Variants in DTHD1 observed in about 807,000 individuals in gnomAD.
DTHD1 encodes the protein death domain containing 1, also known as death domain-containing protein 1.
A neutral mutation model predicts 74.8 loss-of-function variants in DTHD1; 59 were observed. The observed-to-expected ratio is 0.79, with a 90% confidence interval of 0.64 to 0.98. DTHD1 has a LOEUF of 0.98. Among genes scored for constraint, DTHD1 ranks in the 50% least tolerant of loss-of-function variants. The pLI is 0.00. For missense variants in DTHD1, 1,051 were observed against 1,065.4 expected, an observed-to-expected ratio of 0.99 and a Z score of 0.19; for synonymous variants, 365 against 371.1, an observed-to-expected ratio of 0.98 and a Z score of 0.19.
intron 6 of DTHD1, 118 bp from the exon 7 acceptor site, chr4:36,308,086 A>C (rs1268212743): frequency 9.9e-7 from 1 of 1,005,264 alleles, no homozygotes; most frequent in East Asian, 2.6e-5. Flanking sequence ...GTCTTTGAGA[A>C]TACTTGATTT....
Position 36,308,266 on chromosome 4 carries a change from C to T in DTHD1, c.1868C>T (p.Ser623Phe). The T allele has an allele frequency of 6.4e-7, 1 of 1,552,202 alleles. No homozygotes were observed. Among genetic ancestry groups the T allele is most frequent in the Non-Finnish European group, 8.7e-7 (1 of 1,147,102 alleles). Residue 623 changes from serine (S) to phenylalanine (F), a missense_variant, in exon 7 of 10, where the codon TCT becomes TTT. By Grantham distance (155) the Ser-to-Phe change is radical. Transcript: ENST00000639862. The stretch of plus-strand genomic sequence containing the variant: ...AGTCATTTGGTTACTTTTGTGAAAT[C>T]TTTAGAGGAAGCCATGCTCAGCACC... Reference protein sequence around the residue: ...DNSHLVTFVKSLEEAMLSTTA... With the variant: ...DNSHLVTFVKFLEEAMLSTTA...
At chr4:36,303,697 C>T in intron 5 of DTHD1, among the ~76,000 whole-genome samples, 1 of 152,200 alleles carries the variant, frequency 6.6e-6, no homozygotes, top group South Asian at 2.1e-4. Flanking sequence ...GAATGGATCA[C>T]TGGAACCGGA....
chr4:36,300,126 G>C (rs1215149769), intron 5 of DTHD1, among the ~76,000 whole-genome samples: 2 of 152,062 alleles, frequency 1.3e-5, no homozygotes, highest in Non-Finnish European at 1.5e-5. Flanking sequence ...AAGTCTTTGG[G>C]CGTGTTTATA....
chr4:36,339,000 T>C (rs984944583), intron 8 of DTHD1, 112 bp from the exon 9 acceptor site: 3 of 827,202 alleles, frequency 3.6e-6, no homozygotes, highest in Non-Finnish European at 3.9e-6. Context: ...TTGCAAGGTA[T>C]GCAATTCAGT....
Position 36,290,464 on chromosome 4 carries a change from A to G in DTHD1, c.979A>G (p.Ile327Val), listed in dbSNP as rs1253337546. The G allele has an allele frequency of 1.3e-6, 2 of 1,551,796 alleles. No individual in the cohort carries two copies. The highest frequency in any genetic ancestry group is 2.7e-5 in the African/African-American group (2 of 73,064). Residue 327 changes from isoleucine (I) to valine (V), a missense_variant, in exon 3 of 10, where the codon ATA (isoleucine) becomes GTA (valine). By Grantham distance (29) the Ile-to-Val change is conservative. Coordinates refer to ENST00000639862, the MANE Select transcript of DTHD1 (RefSeq NM_001170700.3). ...SYVLQQLECR[I>V]INHMSSLIVG... ...TGTTCTACAACAACTAGAATGCCGGATAATAAATCACATGAGTTCTTTAAT... is the reference window on the plus strand; with the variant it reads ...TGTTCTACAACAACTAGAATGCCGGGTAATAAATCACATGAGTTCTTTAAT...
At chr4:36,342,489 G>T (rs895505045) in intron 9 of DTHD1, among the ~76,000 whole-genome samples, 1 of 151,930 alleles carries the variant, frequency 6.6e-6, no homozygotes, top group Non-Finnish European at 1.5e-5. Flanking sequence ...AGATAGTAGG[G>T]GACAGAGGTT....
At chr4:36,296,152 C>A (rs1020928719) in intron 5 of DTHD1, among the ~76,000 whole-genome samples, 1 of 152,070 alleles carries the variant, frequency 6.6e-6, no homozygotes, top group African/African-American at 2.4e-5. Context: ...TTCTTTGCAG[C>A]ACTAATATCA....
chr4:36,306,728 C>A (rs1450149941), intron 6 of DTHD1, among the ~76,000 whole-genome samples: 1 of 152,198 alleles, frequency 6.6e-6, no homozygotes. Context: ...TTTGCTTTCT[C>A]ATTTCCATGT....
Position 36,282,011 on chromosome 4 carries a change from C to A in DTHD1, c.253C>A (p.Gln85Lys). 1.3e-6 allele frequency: 2 copies of A among 1,524,152 alleles called. No homozygotes were observed. Among genetic ancestry groups the A allele is most frequent in the South Asian group, 1.3e-5 (1 of 79,842 alleles). The allele number at this position is 1,524,152 out of a possible 1,614,324, so 94.4% of individuals were successfully genotyped here. ...GCATGTGCTGCTTGACAAAGAGAAT[C>A]AATGTGTCTCGAGAAAAGGCAAGTA... ...QLHVLLDKEN[Q>K]CVSRKEIITF... Residue 85 changes from glutamine to lysine, a missense_variant, in exon 1 of 10, where the codon CAA becomes AAA. Transcript: ENST00000639862.
chr4:36,314,380 A>G (rs1041001947), intron 7 of DTHD1, among the ~76,000 whole-genome samples: 1 of 152,068 alleles, frequency 6.6e-6, no homozygotes, highest in African/African-American at 2.4e-5. Context: ...TAGACATGAA[A>G]GCTAAATCTT....
In DTHD1 at chr4:36,284,447, C is replaced by G. The variant is rs765242624; in HGVS notation, c.743C>G (p.Thr248Arg). ...ETHGIIQTTE[T>R]EIQETSESPR... ...CATGGCATAATTCAGACAACAGAGA[C>G]AGAAATTCAAGAGACTTCAGAAAGC... is the stretch of plus-strand genomic sequence containing the variant. Residue 248 changes from threonine (T) to arginine (R), a missense_variant, in exon 2 of 10, where the codon ACA becomes AGA. Transcript: ENST00000639862. The G allele has an allele frequency of 2.0e-6, 3 of 1,536,942 alleles. No homozygotes were observed. The highest frequency in any genetic ancestry group is 2.6e-6 in the Non-Finnish European group (3 of 1,146,832).
rs564475767 is a variant in DTHD1 at position 36,284,205 on chromosome 4, G to A, written c.501G>A (p.Glu167=). ...ETATVSPTNG[E]ESHYTNQVQL... ...CTACTGTTTCTCCCACAAATGGAGA[G>A]GAAAGTCATTACACAAACCAGGTCC... is the stretch of plus-strand genomic sequence containing the variant. Residue 167 remains glutamate (E), a synonymous_variant, in exon 2 of 10, where the codon GAG becomes GAA. Transcript: ENST00000639862. The A allele has an allele frequency of 3.3e-5, 51 of 1,537,136 alleles. No individual in the cohort carries two copies. The African/African-American group carries it at 3.6e-4, about 11-fold the overall frequency.
Position 36,295,021 on chromosome 4 carries a change from C to T in DTHD1, c.1625C>T (p.Thr542Ile), listed in dbSNP as rs758507951. 7.1e-6 allele frequency: 11 copies of T among 1,542,610 alleles called. 1 individual carries two copies. In the South Asian group the frequency reaches 1.3e-4, roughly 19 times the overall value. The change falls in exon 5 of 10, where the codon ACA becomes ATA. Residue 542 changes from threonine (T) to isoleucine (I), a missense_variant. By Grantham distance (89) the Thr-to-Ile change is moderately conservative. Coordinates refer to ENST00000639862, the MANE Select transcript of DTHD1 (RefSeq NM_001170700.3). ...RRASATINRI[T>I]PSYFNRTKIA... ...GCAAGTGCCACAATAAATAGGATTA[C>T]ACCTTCGTATTTCAACCGGTGAGTA...
At chr4:36,321,066 T>C (rs1758010810) in intron 8 of DTHD1, among the ~76,000 whole-genome samples, 1 of 152,216 alleles carries the variant, frequency 6.6e-6, no homozygotes, top group African/African-American at 2.4e-5. Context: ...TCTGCGTCTC[T>C]TATTCTTCAG....
Position 36,284,174 on chromosome 4 carries a change from A to C in DTHD1, c.470A>C (p.Glu157Ala). 4 of 1,537,252 alleles carry C rather than the reference A, an allele frequency of 2.6e-6. No homozygotes were observed. Among genetic ancestry groups the C allele is most frequent in the Non-Finnish European group, 2.6e-6 (3 of 1,146,888 alleles). ...IAARGELNVI[E>A]TATVSPTNGE... is the part of the protein sequence containing the mutation. ...GCAAGAGGGGAACTAAATGTCATAG[A>C]AACAGCTACTGTTTCTCCCACAAAT... Residue 157 changes from glutamate to alanine, a missense_variant, in exon 2 of 10, where the codon GAA (glutamate) becomes GCA (alanine). Physicochemically the swap from Glu to Ala is moderately radical, Grantham distance 107. Coordinates refer to ENST00000639862, the MANE Select transcript of DTHD1 (RefSeq NM_001170700.3).
intron 8 of DTHD1, among the ~76,000 whole-genome samples, chr4:36,326,752 C>T (rs1425008516): frequency 1.3e-5 from 2 of 152,170 alleles, no homozygotes; most frequent in Non-Finnish European, 2.9e-5. Flanking sequence ...CTGTTTTCTT[C>T]CCATCTAGCA....
chr4:36,301,721 C>T (rs1043003739), intron 5 of DTHD1, among the ~76,000 whole-genome samples: 6 of 152,026 alleles, frequency 3.9e-5, no homozygotes, highest in East Asian at 1.9e-4. Context: ...TGAATCTGAT[C>T]GTCCCTAGGA....
chr4:36,288,873 C>G (rs186791761), intron 2 of DTHD1, among the ~76,000 whole-genome samples: 19 of 152,110 alleles, frequency 1.2e-4, no homozygotes, highest in Admixed American at 3.3e-4. Flanking sequence ...AGTTATACAA[C>G]GCTGGGTCAC....
intron 5 of DTHD1, among the ~76,000 whole-genome samples, chr4:36,303,517 G>C (rs754043390): frequency 1.3e-5 from 2 of 152,094 alleles, no homozygotes; most frequent in Non-Finnish European, 2.9e-5. Flanking sequence ...ATCTCTATCT[G>C]CTTTCCTCTG....
Sources: allele counts gnomAD v4.1 joint callset (sites outside exome capture counted in the v4.1 genomes callset), GRCh38; gene constraint gnomAD v4.1.1; transcripts MANE v1.5; gene names NCBI Gene and HGNC (gene_info 2026-07-23, HGNC 2026-07-21).